The following RIMBP2 variants were observed in gnomAD, a reference collection of about 807,000 sequenced individuals.
The protein encoded by RIMBP2 is RIMS-binding protein 2.
In RIMBP2, 48 loss-of-function variants were observed where a neutral mutation model predicts 118.6. The ratio of observed to expected loss-of-function variants is 0.40; its 90% CI spans 0.32 to 0.51. The LOEUF (loss-of-function observed/expected upper bound fraction) is 0.51, where lower values mean the gene tolerates loss of function less well. RIMBP2 is among the 20% of genes least tolerant of loss of function. The pLI is 0.41. For synonymous variants in RIMBP2, 762 were observed against 742.9 expected, an observed-to-expected ratio of 1.03 and a Z score of -0.42; for missense variants, 1,551 against 1,768.3, an observed-to-expected ratio of 0.88 and a Z score of 2.20.
Position 130,670,227 on chromosome 12 carries a change from C to T in RIMBP2, c.-351-41771G>A, listed in dbSNP as rs776474891. 2.6e-5 allele frequency among the ~76,000 whole-genome samples: 4 copies of T among 152,066 alleles called. No homozygotes were observed. The highest frequency in any genetic ancestry group is 4.4e-5 in the Non-Finnish European group (3 of 68,004). On this transcript the variant is annotated intron_variant, in intron 1 of 22. Coordinates refer to ENST00000690449, the MANE Select transcript of RIMBP2 (RefSeq NM_001393629.1). This position sits in a 1 kb window ranked among gnomAD's most constrained non-coding sequence, Gnocchi z 4.9. ...GCTCTGGGAGGGAGCACAGCCCCGC[C>T]GACACCATGATCCCGGCCCCAGGAC...
In RIMBP2 at chr12:130,647,392, G is replaced by A. The variant is rs184857544; in HGVS notation, c.-351-18936C>T. Among the ~76,000 whole-genome samples the A allele has an allele frequency of 2.5e-3, 373 of 147,234 alleles. 19 individuals are homozygous for A. The highest frequency in any genetic ancestry group is 8.2e-3 in the African/African-American group (336 of 41,066). On this transcript the variant is annotated intron_variant, in intron 1 of 22. Transcript: ENST00000690449. ...ACCAACAACAAAAAAGAAGGTAATA[G>A]CAGCTTAAAACAACAGCCAAGGGAG...
intron 5 of RIMBP2, among the ~76,000 whole-genome samples, chr12:130,471,187 C>T (rs1000628690): frequency 4.6e-5 from 7 of 152,250 alleles, no homozygotes; most frequent in African/African-American, 1.7e-4. Flanking sequence ...GGCCTTGGCA[C>T]CTGCAGCCTG....
chr12:130,488,285 G>A (rs1453047629), intron 4 of RIMBP2, among the ~76,000 whole-genome samples: 3 of 151,258 alleles, frequency 2.0e-5, no homozygotes. Flanking sequence ...CTCGGAGATG[G>A]GCTTTGAGAC....
intron 1 of RIMBP2, among the ~76,000 whole-genome samples, chr12:130,644,166 T>A (rs78760491): frequency 0.013 from 2,016 of 152,172 alleles, 43 homozygotes; most frequent in African/African-American, 0.046. Flanking sequence ...GCCTCTCCCA[T>A]TGAGACGAAG....
intron 2 of RIMBP2, among the ~76,000 whole-genome samples, chr12:130,535,786 CAT>C (rs2054023326): frequency 4.4e-5 from 5 of 114,482 alleles, no homozygotes; most frequent in South Asian, 2.8e-4. Context: ...TATATATACA[CAT>C]ATTTTTTTGA....
rs750813834 is a variant in RIMBP2 at position 130,422,603 on chromosome 12, T to G, written c.3130-42A>C. On this transcript the variant is annotated intron_variant, in intron 16 of 22. Transcript: ENST00000690449. The surrounding 1 kb of genome is among the most constrained non-coding windows in gnomAD (Gnocchi z 5.2). ...AACAAAGTCGTAAGTCTCGCCAGCA[T>G]TGGGAACTGAAGAATTCAGTTAGCC... The G allele has an allele frequency of 6.4e-6, 9 of 1,404,046 alleles. No homozygotes were observed. The African/African-American group carries it at 9.9e-5, about 15-fold the overall frequency. 87.0% of individuals were successfully genotyped at this position (1,404,046 alleles called of 1,614,324 possible).
chr12:130,715,172 G>A (rs1172856801), intron 1 of RIMBP2, among the ~76,000 whole-genome samples: 1 of 152,252 alleles, frequency 6.6e-6, no homozygotes, highest in Non-Finnish European at 1.5e-5. Flanking sequence ...TCACCCTTGT[G>A]AGCAGAGTCT....
intron 11 of RIMBP2, among the ~76,000 whole-genome samples, chr12:130,439,389 GGATGCATGTGTATGTATA>G: frequency 6.6e-6 from 1 of 151,090 alleles, no homozygotes; most frequent in East Asian, 2.0e-4. Context: ...GTGTGTATGT[GGATGCATGTGTATGTATA>G]TATGTGTATA....
intron 21 of RIMBP2, among the ~76,000 whole-genome samples, chr12:130,401,775 A>G (rs1342871467): frequency 6.6e-6 from 1 of 152,088 alleles, no homozygotes; most frequent in East Asian, 1.9e-4. Context: ...GTCCCCCCTC[A>G]TTAGGTCCAA....
intron 11 of RIMBP2, among the ~76,000 whole-genome samples, chr12:130,441,405 A>AATAATC (rs1566042188): frequency 1.9e-5 from 1 of 51,908 alleles, no homozygotes; most frequent in East Asian, 3.3e-4. Context: ...CATCTCAAAT[A>AATAATC]ATAATAATAA....
intron 2 of RIMBP2, among the ~76,000 whole-genome samples, chr12:130,563,843 C>T (rs1294655593): frequency 6.6e-6 from 1 of 152,206 alleles, no homozygotes; most frequent in Non-Finnish European, 1.5e-5. Context: ...CAGCTTGCAT[C>T]ATTCTTCCAT....
intron 7 of RIMBP2, among the ~76,000 whole-genome samples, chr12:130,454,023 C>T (rs2079212541): frequency 6.6e-6 from 1 of 152,166 alleles, no homozygotes; most frequent in East Asian, 1.9e-4. Flanking sequence ...CATTGCACTC[C>T]AGCCTGGGCG....
At chr12:130,435,521 G>T (rs1247912739) in intron 13 of RIMBP2, among the ~76,000 whole-genome samples, 6 of 152,070 alleles carry the variant, frequency 3.9e-5, no homozygotes. Flanking sequence ...CAGCCTTCTT[G>T]GGGACCTGGA....
chr12:130,422,846 T>C lies in RIMBP2; in HGVS notation c.3130-285A>G, dbSNP rs2076504360. ...GCTGCTGGTGCTGAAGACAAATGTT[T>C]TGGGACCAAAGAGACAATGGCTTGA... On this transcript the variant is annotated intron_variant, in intron 16 of 22. Transcript: ENST00000690449. This position sits in a 1 kb window ranked among gnomAD's most constrained non-coding sequence, Gnocchi z 5.2. Among the ~76,000 whole-genome samples, 1 of 152,112 alleles carries C rather than the reference T, an allele frequency of 6.6e-6. No homozygotes were observed. The highest frequency in any genetic ancestry group is 1.5e-5 in the Non-Finnish European group (1 of 68,024).
At chr12:130,572,307 G>A (rs748700573) in intron 2 of RIMBP2, among the ~76,000 whole-genome samples, 14 of 134,368 alleles carry the variant, frequency 1.0e-4, no homozygotes, top group Non-Finnish European at 1.4e-4. Flanking sequence ...AGACCCAGGC[G>A]CTCCTGAGTC....
rs139344487 is a variant in RIMBP2, at chr12:130,437,156, C to A, written c.1792G>T (p.Val598Phe). 2 of 1,586,762 alleles carry A rather than the reference C, an allele frequency of 1.3e-6. No homozygotes were observed. ...GESVDSAVAA[V>F]PPELLVPPTP... is the part of the protein sequence containing the mutation. Reference sequence around the variant, plus strand: ...GGAGGCACCAGGAGCTCGGGGGGAACGGCAGCAACTGCAGAGTCCACGGAC... The same window carrying A: ...GGAGGCACCAGGAGCTCGGGGGGAAAGGCAGCAACTGCAGAGTCCACGGAC... The change falls in exon 13 of 23, where the codon GTT (valine) becomes TTT (phenylalanine). Residue 598 changes from valine (V) to phenylalanine (F), a missense_variant. Around this residue, in one of 5 missense-constraint regions of RIMBP2, gnomAD observed 1,038 missense variants for 1,125.1 expected, o/e 0.92. Coordinates refer to ENST00000690449, the MANE Select transcript of RIMBP2 (RefSeq NM_001393629.1).
At chr12:130,698,567 C>T (rs1593029426) in intron 1 of RIMBP2, among the ~76,000 whole-genome samples, 1 of 152,136 alleles carries the variant, frequency 6.6e-6, no homozygotes, top group African/African-American at 2.4e-5. Context: ...ACCAGCCTGG[C>T]CAATATGGTG....
Position 130,437,220 on chromosome 12 carries a change from G to C in RIMBP2, c.1728C>G (p.Ala576=). 6.3e-7 allele frequency: 1 copy of C among 1,585,232 alleles called. No individual in the cohort carries two copies. The highest frequency in any genetic ancestry group is 8.5e-7 in the Non-Finnish European group (1 of 1,170,350). Residue 576 remains alanine, a synonymous_variant, in exon 13 of 23, where the codon GCC becomes GCG. Transcript: ENST00000690449. ...VELVRLRSLE[A]KGVTVRTLSA... ...AGAGGGTCCGCACGGTCACGCCCTT[G>C]GCCTCCAGGCTCCGCAGCCGCACAA...
intron 5 of RIMBP2, among the ~76,000 whole-genome samples, chr12:130,472,913 C>G (rs2081127063): frequency 6.6e-6 from 1 of 152,164 alleles, no homozygotes; most frequent in Non-Finnish European, 1.5e-5. Context: ...AGGCCGAAAA[C>G]TGTTCCTTTC....
Sources: allele counts gnomAD v4.1 joint callset (sites outside exome capture counted in the v4.1 genomes callset), GRCh38; gene constraint gnomAD v4.1.1; regional missense constraint gnomAD v4.1.1; non-coding constraint Gnocchi (gnomAD v3.1); transcripts MANE v1.5; gene names NCBI Gene and HGNC (gene_info 2026-07-23, HGNC 2026-07-21).